Variants in CMTM8 observed in about 807,000 individuals in gnomAD.
The protein encoded by CMTM8 is CKLF like MARVEL transmembrane domain containing 8.
A neutral mutation model predicts 18.6 loss-of-function variants in CMTM8; 12 were observed. The observed-to-expected ratio is 0.65, with a 90% CI of 0.41 to 1.05. The LOEUF (loss-of-function observed/expected upper bound fraction) is 1.05, where lower values mean the gene tolerates loss of function less well. CMTM8 is among the 50% of genes least tolerant of loss of function. The pLI is 0.00. For missense variants in CMTM8, 217 were observed against 227.2 expected (o/e 0.95, Z 0.29); for synonymous variants, 87 against 90.6 (o/e 0.96, Z 0.23).
chr3:32,241,359 C>T (rs1701944412), intron 1 of CMTM8, among the ~76,000 whole-genome samples: 1 of 151,510 alleles, frequency 6.6e-6, no homozygotes, highest in African/African-American at 2.4e-5. Context: ...TAGGAATTTT[C>T]AGCTTTACAG....
At chr3:32,247,091 A>T (rs1702024892) in intron 1 of CMTM8, among the ~76,000 whole-genome samples, 1 of 152,200 alleles carries the variant, frequency 6.6e-6, no homozygotes, top group Non-Finnish European at 1.5e-5. Context: ...ACAGAGTGAG[A>T]CTATGTCCCA....
chr3:32,251,459 A>G (rs900323108), intron 1 of CMTM8, among the ~76,000 whole-genome samples: 5 of 150,392 alleles, frequency 3.3e-5, no homozygotes, highest in Admixed American at 6.7e-5. Flanking sequence ...GACTACAGAC[A>G]CATGCCACCA....
chr3:32,328,339 C>CAG (rs1429041376), intron 1 of CMTM8, among the ~76,000 whole-genome samples: 2 of 140,074 alleles, frequency 1.4e-5, no homozygotes, highest in African/African-American at 5.4e-5. Context: ...CACTGCACTC[C>CAG]AGCCTGGGTG....
chr3:32,253,906 G>T (rs139375614), intron 1 of CMTM8, among the ~76,000 whole-genome samples: 18 of 151,380 alleles, frequency 1.2e-4, no homozygotes, highest in Middle Eastern at 3.5e-3. Context: ...TTTTTTTCAG[G>T]GGGGAGGATG....
intron 1 of CMTM8, among the ~76,000 whole-genome samples, chr3:32,280,846 C>CAAAAAAAAAAAAAAAAAAAA (rs60845487): frequency 7.3e-5 from 5 of 68,166 alleles, no homozygotes; most frequent in African/African-American, 1.2e-4. Flanking sequence ...AGAAAATAGG[C>CAAAAAAAAAAAAAAAAAAAA]AAAAAAAAAA....
intron 1 of CMTM8, among the ~76,000 whole-genome samples, chr3:32,253,886 T>C (rs1343652711): frequency 6.6e-6 from 1 of 151,954 alleles, no homozygotes; most frequent in Non-Finnish European, 1.5e-5. Flanking sequence ...CTTGTCCCTT[T>C]ATGTTTTTAT....
intron 1 of CMTM8, among the ~76,000 whole-genome samples, chr3:32,261,167 C>G (rs1702252500): frequency 8.9e-6 from 1 of 112,744 alleles, no homozygotes; most frequent in African/African-American, 3.0e-5. Flanking sequence ...CTGTGTCCAT[C>G]TCAAAAAAAA....
At chr3:32,308,350 A>G (rs1695755049) in intron 1 of CMTM8, among the ~76,000 whole-genome samples, 2 of 152,246 alleles carry the variant, frequency 1.3e-5, no homozygotes, top group South Asian at 4.1e-4. Flanking sequence ...CTTTATAGAG[A>G]AAAACAATTA....
intron 1 of CMTM8, among the ~76,000 whole-genome samples, chr3:32,273,306 A>G (rs1417714759): frequency 6.6e-6 from 1 of 151,862 alleles, no homozygotes; most frequent in Non-Finnish European, 1.5e-5. Context: ...AAAAGAAAGT[A>G]TCCCAAGATA....
intron 1 of CMTM8, among the ~76,000 whole-genome samples, chr3:32,320,133 T>C (rs1696014949): frequency 6.6e-6 from 1 of 152,160 alleles, no homozygotes; most frequent in Non-Finnish European, 1.5e-5. Context: ...GCGTATTTGG[T>C]TTAAGAGAAA....
intron 1 of CMTM8, among the ~76,000 whole-genome samples, chr3:32,306,643 C>T (rs1695721426): frequency 6.6e-6 from 1 of 152,160 alleles, no homozygotes; most frequent in African/African-American, 2.4e-5. Flanking sequence ...AGTAAGATTG[C>T]TGAGGCAAAT....
chr3:32,254,429 C>G (rs947188181), intron 1 of CMTM8, among the ~76,000 whole-genome samples: 5 of 151,786 alleles, frequency 3.3e-5, no homozygotes, highest in Non-Finnish European at 7.4e-5. Context: ...ATTTGTATAC[C>G]CAGTCTGAGA....
At chr3:32,245,083 G>T (rs950345384) in intron 1 of CMTM8, among the ~76,000 whole-genome samples, 7 of 152,126 alleles carry the variant, frequency 4.6e-5, no homozygotes, top group Non-Finnish European at 8.8e-5. Flanking sequence ...ATGGTTTCTT[G>T]GATGTCATGA....
intron 1 of CMTM8, among the ~76,000 whole-genome samples, chr3:32,251,404 C>T (rs1575145618): frequency 6.6e-6 from 1 of 152,072 alleles, no homozygotes; most frequent in East Asian, 1.9e-4. Flanking sequence ...GCCTCAACCT[C>T]CTGGGCTCAG....
intron 1 of CMTM8, among the ~76,000 whole-genome samples, chr3:32,316,096 G>T (rs773563506): frequency 7.5e-6 from 1 of 134,114 alleles, no homozygotes; most frequent in Non-Finnish European, 1.5e-5. Flanking sequence ...GCGCGATCTC[G>T]GCTCACTGCA....
chr3:32,282,836 C>A (rs1206489581), intron 1 of CMTM8, among the ~76,000 whole-genome samples: 1 of 152,202 alleles, frequency 6.6e-6, no homozygotes, highest in Non-Finnish European at 1.5e-5. Context: ...ACACAGCAAG[C>A]ATGCTCCAGC....
At chr3:32,294,618 A>G (rs899229641) in intron 1 of CMTM8, among the ~76,000 whole-genome samples, 1 of 152,212 alleles carries the variant, frequency 6.6e-6, no homozygotes, top group African/African-American at 2.4e-5. Flanking sequence ...CTTCTCTAGG[A>G]GAAGCCACAT....
At chr3:32,260,654 G>A (rs1702242999) in intron 1 of CMTM8, among the ~76,000 whole-genome samples, 1 of 136,936 alleles carries the variant, frequency 7.3e-6, no homozygotes. Context: ...TATCCCAGCT[G>A]TGATTTTTTT....
At chr3:32,319,071 TA>T (rs1440368590) in intron 1 of CMTM8, among the ~76,000 whole-genome samples, 10,467 of 57,854 alleles carry the variant, frequency 0.18, 1,054 homozygotes, top group Non-Finnish European at 0.27. Flanking sequence ...TATATATATA[TA>T]TATTTTTTTT....
Sources: allele counts gnomAD v4.1 joint callset (sites outside exome capture counted in the v4.1 genomes callset), GRCh38; gene constraint gnomAD v4.1.1; transcripts MANE v1.5; gene names NCBI Gene and HGNC (gene_info 2026-07-23, HGNC 2026-07-21).